Variants in MALRD1 observed in about 807,000 individuals in gnomAD.
MALRD1 encodes the protein MAM and LDL-receptor class A domain-containing protein 1.
Under a neutral mutation model 242.1 loss-of-function variants are expected in MALRD1, and 247 were observed. The ratio of observed to expected loss-of-function variants is 1.02; its 90% CI spans 0.92 to 1.13. The LOEUF (loss-of-function observed/expected upper bound fraction) is 1.13, where lower values mean the gene tolerates loss of function less well. MALRD1 is among the 50% of genes most tolerant of loss of function. MALRD1 has a pLI of 0.00. For synonymous variants in MALRD1, 995 were observed against 866.6 expected, an observed-to-expected ratio of 1.15 and a Z score of -2.60; for missense variants, 2,989 against 2,533.1, an observed-to-expected ratio of 1.18 and a Z score of -3.86.
chr10:19,549,450 C>A (rs2131401705), intron 32 of MALRD1, among the ~76,000 whole-genome samples: 1 of 152,260 alleles, frequency 6.6e-6, no homozygotes, highest in African/African-American at 2.4e-5. Context: ...ACCACTCCAC[C>A]CTTCAGCAAT....
intron 24 of MALRD1, among the ~76,000 whole-genome samples, chr10:19,333,565 G>A (rs1228873244): frequency 2.6e-5 from 4 of 152,084 alleles, no homozygotes; most frequent in South Asian, 4.1e-4. Flanking sequence ...CACCTGGATC[G>A]ATTCCATGTC....
Position 19,395,285 on chromosome 10 carries a change from T to C in MALRD1, c.4845+5676T>C, listed in dbSNP as rs181316174. 6.2e-3 allele frequency among the ~76,000 whole-genome samples: 946 copies of C among 152,322 alleles called. 3 individuals carry two copies. Among genetic ancestry groups the C allele is most frequent in the Non-Finnish European group, 1.0e-2 (679 of 68,030 alleles). ...AGCCTCCAGAGGTCGTGATGACATG[T>C]GCCCAAGGTGGTCCGAGCACAGCTT... On this transcript the variant is annotated intron_variant, in intron 28 of 39. Transcript: ENST00000454679.
chr10:19,497,666 A>G (rs534902705), intron 30 of MALRD1, among the ~76,000 whole-genome samples: 172 of 152,250 alleles, frequency 1.1e-3, no homozygotes, highest in African/African-American at 4.0e-3. Flanking sequence ...AAATAACACA[A>G]ACTTTCTTTC....
chr10:19,565,354 TAATA>T (rs1330778096), intron 32 of MALRD1, among the ~76,000 whole-genome samples: 4 of 152,098 alleles, frequency 2.6e-5, no homozygotes, highest in Non-Finnish European at 5.9e-5. Flanking sequence ...ATAGACACAT[TAATA>T]AATAAATATA....
At chr10:19,648,909 G>C (rs983931688) in intron 36 of MALRD1, among the ~76,000 whole-genome samples, 3 of 152,066 alleles carry the variant, frequency 2.0e-5, no homozygotes, top group African/African-American at 7.2e-5. Context: ...ACCTCAAGTA[G>C]ACCCTGGTGC....
At chr10:19,638,971 C>T (rs781354036) in intron 36 of MALRD1, among the ~76,000 whole-genome samples, 3 of 151,784 alleles carry the variant, frequency 2.0e-5, no homozygotes, top group East Asian at 3.9e-4. Context: ...TTTGCTTTAT[C>T]TCGGGGTTGT....
chr10:19,552,007 G>A (rs1221419010), intron 32 of MALRD1, among the ~76,000 whole-genome samples: 1 of 151,972 alleles, frequency 6.6e-6, no homozygotes, highest in African/African-American at 2.4e-5. Context: ...TTTTTTTGAG[G>A]ATTTCTGCAT....
intron 24 of MALRD1, among the ~76,000 whole-genome samples, chr10:19,339,975 T>A (rs547936430): frequency 1.8e-4 from 27 of 151,410 alleles, no homozygotes; most frequent in Non-Finnish European, 3.8e-4. Context: ...AACGAAGGAG[T>A]GAGTGCCATA....
chr10:19,445,370 C>T (rs1054660375), intron 28 of MALRD1, among the ~76,000 whole-genome samples: 1 of 152,104 alleles, frequency 6.6e-6, no homozygotes, highest in African/African-American at 2.4e-5. Context: ...AGCTGCGTTC[C>T]TTTGGAGGAG....
At chr10:19,120,323 G>A (rs1446883118) in intron 5 of MALRD1, among the ~76,000 whole-genome samples, 1 of 152,068 alleles carries the variant, frequency 6.6e-6, no homozygotes, top group Non-Finnish European at 1.5e-5. Context: ...GATCAGCTCT[G>A]TCCAATATTA....
intron 21 of MALRD1, among the ~76,000 whole-genome samples, chr10:19,322,153 A>G (rs1172276558): frequency 6.6e-6 from 1 of 152,136 alleles, no homozygotes; most frequent in Non-Finnish European, 1.5e-5. Flanking sequence ...TACAGGTTAA[A>G]TAAATCATAT....
intron 24 of MALRD1, among the ~76,000 whole-genome samples, chr10:19,343,908 C>A (rs900518781): frequency 3.3e-5 from 5 of 152,074 alleles, no homozygotes; most frequent in Admixed American, 1.3e-4. Flanking sequence ...TTTGCACTTT[C>A]CCAATAGCTT....
intron 31 of MALRD1, among the ~76,000 whole-genome samples, chr10:19,522,980 C>G (rs1833947661): frequency 6.6e-6 from 1 of 152,150 alleles, no homozygotes; most frequent in African/African-American, 2.4e-5. Context: ...AATTAATTGT[C>G]TTATTTCCAC....
At chr10:19,109,754 C>G (rs1426036562) in intron 5 of MALRD1, among the ~76,000 whole-genome samples, 1 of 152,160 alleles carries the variant, frequency 6.6e-6, no homozygotes, top group Non-Finnish European at 1.5e-5. Context: ...GCTCCAGTCC[C>G]AAGATAGCAC....
At chr10:19,212,571 T>C (rs921859789) in intron 18 of MALRD1, among the ~76,000 whole-genome samples, 3 of 152,244 alleles carry the variant, frequency 2.0e-5, no homozygotes, top group African/African-American at 4.8e-5. Context: ...GATATCATTA[T>C]ATGAACACCT....
intron 14 of MALRD1, among the ~76,000 whole-genome samples, chr10:19,196,254 C>T (rs916063575): frequency 6.6e-6 from 1 of 152,130 alleles, no homozygotes; most frequent in Admixed American, 6.5e-5. Context: ...GCTAACATAC[C>T]ATTTTTCTCT....
intron 4 of MALRD1, among the ~76,000 whole-genome samples, chr10:19,090,069 C>A (rs201258232): frequency 2.8e-5 from 2 of 72,468 alleles, no homozygotes; most frequent in Non-Finnish European, 4.9e-5. Flanking sequence ...TTGGCGATGC[C>A]GGCTCTTTTT....
At chr10:19,322,256 T>C (rs539815823) in intron 21 of MALRD1, among the ~76,000 whole-genome samples, 38 of 152,242 alleles carry the variant, frequency 2.5e-4, no homozygotes, top group African/African-American at 8.9e-4. Flanking sequence ...CGTATCCCTG[T>C]TATACTGGGA....
intron 21 of MALRD1, among the ~76,000 whole-genome samples, chr10:19,293,546 T>G (rs1312236288): frequency 6.6e-6 from 1 of 152,230 alleles, no homozygotes; most frequent in Non-Finnish European, 1.5e-5. Flanking sequence ...CAAAGATATT[T>G]TATCTGGATA....
Sources: allele counts gnomAD v4.1 joint callset (sites outside exome capture counted in the v4.1 genomes callset), GRCh38; gene constraint gnomAD v4.1.1; transcripts MANE v1.5; gene names NCBI Gene and HGNC (gene_info 2026-07-23, HGNC 2026-07-21).